DHTKD1: variants seen among roughly 807,000 people sequenced by gnomAD.
The protein encoded by DHTKD1 is 2-oxoadipate dehydrogenase complex component E1.
Under a neutral mutation model 101.8 loss-of-function variants are expected in DHTKD1, and 78 were observed. The observed-to-expected ratio is 0.77, with a 90% CI of 0.64 to 0.93. DHTKD1 has a LOEUF of 0.93. Among genes scored for constraint, DHTKD1 ranks in the 40% least tolerant of loss-of-function variants. The pLI is 0.00. For synonymous variants in DHTKD1, 462 were observed against 450.3 expected (o/e 1.03, Z -0.33); for missense variants, 1,223 against 1,161.7 (o/e 1.05, Z -0.77).
intron 12 of DHTKD1, among the ~76,000 whole-genome samples, chr10:12,109,275 AATAG>A (rs1170013937): frequency 6.6e-6 from 1 of 152,116 alleles, no homozygotes; most frequent in African/African-American, 2.4e-5. Context: ...ATGATAGCTT[AATAG>A]ATAGGTAGAC....
chr10:12,084,543 T>C lies in DHTKD1; in HGVS notation c.314T>C (p.Leu105Ser), dbSNP rs1382149177. 1.3e-6 allele frequency: 2 copies of C among 1,593,528 alleles called. No homozygotes were observed. Among genetic ancestry groups the C allele is most frequent in the East Asian group, 2.2e-5 (1 of 44,750 alleles). Residue 105 changes from leucine to serine, a missense_variant, in exon 3 of 17, where the codon TTA becomes TCA. Physicochemically the swap from Leu to Ser is moderately radical, Grantham distance 145. Transcript: ENST00000263035. ...TLQGPFHTAG[L>S]LNMGKEEASL... ...CCCCTTTGATTGTATTTCACAGGAT[T>C]ATTGAACATGGGGAAGGAAGAGGCC...
chr10:12,077,411 G>A (rs1166125265), intron 1 of DHTKD1, among the ~76,000 whole-genome samples: 1 of 152,036 alleles, frequency 6.6e-6, no homozygotes, highest in African/African-American at 2.4e-5. Flanking sequence ...GTTTTTAGTA[G>A]AGACAGGGTT....
intron 11 of DHTKD1, among the ~76,000 whole-genome samples, chr10:12,106,834 CTG>C (rs1353960904): frequency 6.6e-6 from 1 of 152,182 alleles, no homozygotes; most frequent in African/African-American, 2.4e-5. Flanking sequence ...TTATGCTTCT[CTG>C]TAACATTTTC....
chr10:12,100,193 A>G lies in DHTKD1; in HGVS notation c.1687A>G (p.Met563Val), dbSNP rs1399739047. The G allele has an allele frequency of 6.3e-7, 1 of 1,584,196 alleles. No homozygotes were observed. The highest frequency in any genetic ancestry group is 8.6e-7 in the Non-Finnish European group (1 of 1,163,584). Residue 563 changes from methionine to valine, a missense_variant, in exon 9 of 17, where the codon ATG becomes GTG. Coordinates refer to ENST00000263035, the MANE Select transcript of DHTKD1 (RefSeq NM_018706.7). ...AATTTTACAGTCCAGAATGGAGAAG[A>G]TGATGGACGGAATCAAGCTAGACTG... is the stretch of plus-strand genomic sequence containing the variant. ...KTHVQSRMEKMMDGIKLDWAT... is the reference protein window; with the variant it reads ...KTHVQSRMEKVMDGIKLDWAT...
At chr10:12,099,713 A>G (rs528555927) in intron 8 of DHTKD1, among the ~76,000 whole-genome samples, 2 of 151,270 alleles carry the variant, frequency 1.3e-5, no homozygotes, top group Admixed American at 6.6e-5. Flanking sequence ...TAAAAACTGT[A>G]TATAATTGCT....
At chr10:12,112,507 CA>C (rs1833349150) in intron 12 of DHTKD1, among the ~76,000 whole-genome samples, 1 of 882 alleles carries the variant, frequency 1.1e-3, no homozygotes, top group Non-Finnish European at 0.018. Context: ...CGTGCACACA[CA>C]CACACACACA....
chr10:12,118,575 G>C (rs1289467018), intron 14 of DHTKD1, among the ~76,000 whole-genome samples, 174 bp from the exon 15 acceptor site: 1 of 151,748 alleles, frequency 6.6e-6, no homozygotes, highest in Admixed American at 6.6e-5. Context: ...GTAGAGACAG[G>C]GTTTCACCGT....
intron 7 of DHTKD1, among the ~76,000 whole-genome samples, chr10:12,096,102 T>TAAATTAC (rs1458103985): frequency 6.6e-6 from 1 of 152,178 alleles, no homozygotes; most frequent in Non-Finnish European, 1.5e-5. Context: ...ACTCATGGCT[T>TAAATTAC]GCATTTCATT....
intron 1 of DHTKD1, among the ~76,000 whole-genome samples, chr10:12,072,502 A>G (rs867362103): frequency 1.4e-5 from 2 of 143,568 alleles, no homozygotes; most frequent in African/African-American, 5.3e-5. Flanking sequence ...TAAATAAATA[A>G]ATACAAATAA....
In DHTKD1 at chr10:12,107,192, C is replaced by T. The variant is rs1158836036; in HGVS notation, c.2048-717C>T. On this transcript the variant is annotated intron_variant, in intron 11 of 16. Coordinates refer to ENST00000263035, the MANE Select transcript of DHTKD1 (RefSeq NM_018706.7). This position sits in a 1 kb window ranked among gnomAD's most constrained non-coding sequence, Gnocchi z 4.1. Reference sequence around the variant, plus strand: ...TAGTAGAGATGGGGTTTCACCGTGTCAGCCGGGATGGTCTCGTTCTCCTGA... The same window carrying T: ...TAGTAGAGATGGGGTTTCACCGTGTTAGCCGGGATGGTCTCGTTCTCCTGA... Among the ~76,000 whole-genome samples, 1 of 151,634 alleles carries T rather than the reference C, an allele frequency of 6.6e-6. No homozygotes were observed. The highest frequency in any genetic ancestry group is 2.4e-5 in the African/African-American group (1 of 41,298).
At position 12,110,180 on chromosome 10, in the gene DHTKD1, C is replaced by T. The variant is rs1833307655; in HGVS notation, c.2154+2165C>T. ...GGGCACGGTGGCAGGCACCTGTAGT[C>T]CCAGCTACTTGGGAGGCTGAGGCAG... is the stretch of plus-strand genomic sequence containing the variant. On this transcript the variant is annotated intron_variant, in intron 12 of 16. Transcript: ENST00000263035. The surrounding 1 kb of genome is among the most constrained non-coding windows in gnomAD (Gnocchi z 4.9). Among the ~76,000 whole-genome samples the T allele has an allele frequency of 6.6e-6, 1 of 152,148 alleles. No individual in the cohort carries two copies. Among genetic ancestry groups the T allele is most frequent in the Non-Finnish European group, 1.5e-5 (1 of 68,042 alleles).
intron 5 of DHTKD1, among the ~76,000 whole-genome samples, chr10:12,090,494 T>C (rs915241989): frequency 6.7e-6 from 1 of 149,988 alleles, no homozygotes; most frequent in African/African-American, 2.5e-5. Context: ...TTCTCTCTCT[T>C]TCTTTCAAGA....
At chr10:12,074,986 T>C (rs1455638235) in intron 1 of DHTKD1, among the ~76,000 whole-genome samples, 2 of 151,788 alleles carry the variant, frequency 1.3e-5, no homozygotes, top group Non-Finnish European at 2.9e-5. Context: ...ATTAGCCGGG[T>C]GTGGTCGCAT....
chr10:12,119,495 AGTCCCAGCTACTTGGGAGGCTGACGCAGG>A (rs1833484848), intron 15 of DHTKD1, among the ~76,000 whole-genome samples: 5 of 150,888 alleles, frequency 3.3e-5, no homozygotes, highest in Admixed American at 2.6e-4. Flanking sequence ...GGGCGCCTGT[AGTCCCAGCTACTTGGGAGGCTGACGCAGG>A]AGAATGGCGT....
At position 12,073,222 on chromosome 10, in the gene DHTKD1, G is replaced by C. The variant is rs138092159; in HGVS notation, c.154+4035G>C. Among the ~76,000 whole-genome samples, 575 of 151,834 alleles carry C rather than the reference G, an allele frequency of 3.8e-3. 4 individuals carry two copies. Among genetic ancestry groups the C allele is most frequent in the African/African-American group, 0.013 (548 of 41,404 alleles). ...TAATTTTTATATTTTTAGTAGAGAC[G>C]TGGTTTCACCATATTGGCCAGGGTG... On this transcript the variant is annotated intron_variant, in intron 1 of 16. Coordinates refer to ENST00000263035, the MANE Select transcript of DHTKD1 (RefSeq NM_018706.7).
rs779049645 is a variant in DHTKD1, at chr10:12,089,099, T to G, written c.831T>G (p.His277Gln). 6.2e-6 allele frequency: 10 copies of G among 1,613,968 alleles called. No individual in the cohort carries two copies. Among genetic ancestry groups the G allele is most frequent in the Non-Finnish European group, 6.8e-6 (8 of 1,180,018 alleles). ...SSVDLYFGAH[H>Q]PLHVTMLPNP... ...TGGACCTGTACTTTGGGGCGCACCA[T>G]CCCCTCCATGTGACAATGTTGCCCA... The change falls in exon 5 of 17, where the codon CAT becomes CAG. Residue 277 changes from histidine (H) to glutamine (Q), a missense_variant. His to Gln is a conservative substitution (Grantham distance 24). Transcript: ENST00000263035.
rs140522631 is a variant in DHTKD1, at chr10:12,105,121, A to T, written c.1897-1125A>T. Among the ~76,000 whole-genome samples the T allele has an allele frequency of 7.6e-3, 1,162 of 152,078 alleles. 17 individuals carry two copies. Among genetic ancestry groups the T allele is most frequent in the African/African-American group, 0.026 (1,099 of 41,480 alleles). ...GTGATCCTCCTGCTTTGGCCTCCCA[A>T]AGTGCTGGGATTATGTTTTGCATTT... On this transcript the variant is annotated intron_variant, in intron 10 of 16. Coordinates refer to ENST00000263035, the MANE Select transcript of DHTKD1 (RefSeq NM_018706.7).
rs762484525 is a variant in DHTKD1 at position 12,089,212 on chromosome 10, C to T, written c.944C>T (p.Pro315Leu). 5 of 1,614,174 alleles carry T rather than the reference C, an allele frequency of 3.1e-6. No homozygotes were observed. The South Asian group carries it at 5.5e-5, about 18-fold the overall frequency. ...TCTCGCCAAGACGGCGATTACTCTCCAGACAACTCAGCCCAGCCGGGGGAC... is the reference window on the plus strand; with the variant it reads ...TCTCGCCAAGACGGCGATTACTCTCTAGACAACTCAGCCCAGCCGGGGGAC... The part of the protein sequence containing the change: ...QQSRQDGDYS[P>L]DNSAQPGDRV... Residue 315 changes from proline to leucine, a missense_variant, in exon 5 of 17, where the codon CCA (proline) becomes CTA (leucine). Transcript: ENST00000263035.
chr10:12,093,995 G>A (rs2131362460), intron 6 of DHTKD1, 78 bp from the exon 7 acceptor site: 1 of 1,257,784 alleles, frequency 8.0e-7, no homozygotes, highest in Non-Finnish European at 1.1e-6. Flanking sequence ...GTCTTTTGAT[G>A]CAGGAAGTAG....
Sources: gnomAD v4.1 joint callset for allele counts (sites outside exome capture counted in the v4.1 genomes callset) on GRCh38, gnomAD v4.1.1 for gene constraint, Gnocchi (gnomAD v3.1) non-coding constraint, MANE v1.5 for transcripts, NCBI Gene and HGNC (gene_info 2026-07-23, HGNC 2026-07-21) for gene names.